MGRN1: variants seen among roughly 807,000 people sequenced by gnomAD.
MGRN1 encodes the protein mahogunin ring finger 1.
MGRN1 carries 29 observed loss-of-function variants against 69.2 expected under a neutral mutation model. The observed-to-expected ratio is 0.42, with a 90% CI of 0.31 to 0.57. MGRN1 has a LOEUF of 0.57. MGRN1 is among the 20% of genes least tolerant of loss of function. MGRN1 has a pLI of 0.15. For missense variants in MGRN1, 998 were observed against 796.2 expected (o/e 1.25, Z -3.05); for synonymous variants, 470 against 344.2 (o/e 1.37, Z -4.04).
chr16:4,682,748 C>T (rs2079217160), intron 13 of MGRN1, 75 bp from the exon 14 acceptor site: 3 of 1,431,438 alleles, frequency 2.1e-6, no homozygotes, highest in South Asian at 3.2e-5. Context: ...CCCAGGTGCC[C>T]TGCATGGCTT....
Position 4,652,749 on chromosome 16 carries a change from C to A in MGRN1, c.368C>A (p.Thr123Asn). ...KPRVLYSLEF[T>N]FDADARVAIT... ...CGGGTGCTCTACAGCCTGGAGTTCACCTTCGACGCCGATGCCCGCGTGGCC... is the reference window on the plus strand; with the variant it reads ...CGGGTGCTCTACAGCCTGGAGTTCAACTTCGACGCCGATGCCCGCGTGGCC... The change falls in exon 4 of 17, where the codon ACC becomes AAC. Residue 123 changes from threonine to asparagine, a missense_variant. Transcript: ENST00000262370. 1 of 1,613,102 alleles carries A rather than the reference C, an allele frequency of 6.2e-7. No homozygotes were observed. The highest frequency in any genetic ancestry group is 1.3e-5 in the African/African-American group (1 of 75,030).
chr16:4,664,266 T>C (rs2078749884), intron 5 of MGRN1: 1 of 239,476 alleles, frequency 4.2e-6, no homozygotes, highest in African/African-American at 2.3e-5. Context: ...ACACAGAAGG[T>C]CACCTGTTGT....
rs374412148 is a variant in MGRN1, at chr16:4,658,484, C to T, written c.561+1121C>T. ...CCAGGAGGTGGAGCTTGCAGTGAGCCGAGATCACGCCACTGCACTCCAGCC... is the reference window on the plus strand; with the variant it reads ...CCAGGAGGTGGAGCTTGCAGTGAGCTGAGATCACGCCACTGCACTCCAGCC... On this transcript the variant is annotated intron_variant, in intron 5 of 16. Coordinates refer to ENST00000262370, the MANE Select transcript of MGRN1 (RefSeq NM_015246.4). Among the ~76,000 whole-genome samples the T allele has an allele frequency of 7.5e-3, 1,132 of 150,826 alleles. 7 individuals carry two copies. Among genetic ancestry groups the T allele is most frequent in the Non-Finnish European group, 0.011 (736 of 67,748 alleles).
chr16:4,634,321 G>A (rs1262515378), intron 1 of MGRN1: 1 of 152,580 alleles, frequency 6.6e-6, no homozygotes, highest in Non-Finnish European at 1.5e-5. Context: ...ATGATGCCCA[G>A]AAGTTTTCTG....
In MGRN1 at chr16:4,657,276, C is replaced by G. The variant is rs760676823; in HGVS notation, c.474C>G (p.Ser158=). Residue 158 remains serine (S), a synonymous_variant, in exon 5 of 17, where the codon TCC becomes TCG. Transcript: ENST00000262370. ...GCCCCAAGAGCCCCTCGCTACAGTC[C>G]GAGACCGTCCACTACAAGAGAGGGG... The part of the protein sequence containing the change: ...VYSPKSPSLQ[S]ETVHYKRGVS... The G allele has an allele frequency of 1.5e-5, 25 of 1,614,156 alleles. No individual in the cohort carries two copies. The South Asian group carries it at 2.4e-4, about 16-fold the overall frequency.
intron 1 of MGRN1, among the ~76,000 whole-genome samples, chr16:4,639,617 C>T (rs1596264736): frequency 2.0e-5 from 3 of 152,120 alleles, no homozygotes; most frequent in Admixed American, 6.5e-5. Flanking sequence ...CCCCTCGGTG[C>T]GGGAGGATGA....
At chr16:4,652,634 T>TG in intron 3 of MGRN1, 44 bp from the exon 4 acceptor site, 1 of 1,572,212 alleles carries the variant, frequency 6.4e-7, no homozygotes, top group Non-Finnish European at 8.7e-7. Flanking sequence ...CCTCCGCAGA[T>TG]GGGGCCGCTG....
At position 4,681,166 on chromosome 16, in the gene MGRN1, G is replaced by A. The variant is rs552888078; in HGVS notation, c.1132-384G>A. On this transcript the variant is annotated intron_variant, in intron 12 of 16. Coordinates refer to ENST00000262370, the MANE Select transcript of MGRN1 (RefSeq NM_015246.4). Reference sequence around the variant, plus strand: ...CCTGGTCCAGGACGCCCCTGACCGTGTCTCTCGCCTCTGGCATGGCTTTGC... The same window carrying A: ...CCTGGTCCAGGACGCCCCTGACCGTATCTCTCGCCTCTGGCATGGCTTTGC... Among the ~76,000 whole-genome samples the A allele has an allele frequency of 2.0e-5, 3 of 152,324 alleles. No homozygotes were observed. The East Asian group carries it at 5.8e-4, about 29-fold the overall frequency.
chr16:4,629,155 TGTGTGTGTGTG>T (rs1897860770), intron 1 of MGRN1, among the ~76,000 whole-genome samples: 24 of 146,650 alleles, frequency 1.6e-4, no homozygotes, highest in African/African-American at 2.2e-4. Flanking sequence ...TTCGTATGTG[TGTGTGTGTGTG>T]TGTGTGTGTG....
intron 11 of MGRN1, among the ~76,000 whole-genome samples, chr16:4,678,005 G>A (rs1335835783): frequency 3.9e-5 from 6 of 152,042 alleles, no homozygotes; most frequent in Non-Finnish European, 5.9e-5. Context: ...GTACCACCAC[G>A]CCGAGCTAAT....
At chr16:4,670,859 C>T (rs1478468271) in intron 8 of MGRN1, among the ~76,000 whole-genome samples, 1 of 152,228 alleles carries the variant, frequency 6.6e-6, no homozygotes, top group Admixed American at 6.5e-5. Flanking sequence ...GGCCCATGGT[C>T]TCTGGGAAAC....
intron 7 of MGRN1, among the ~76,000 whole-genome samples, chr16:4,665,517 C>T (rs1252112640): frequency 6.6e-6 from 1 of 151,504 alleles, no homozygotes; most frequent in Non-Finnish European, 1.5e-5. Context: ...TACAGGTGTG[C>T]ACTACCACGC....
intron 8 of MGRN1, among the ~76,000 whole-genome samples, chr16:4,669,478 A>T (rs575828028): frequency 7.6e-5 from 11 of 145,276 alleles, no homozygotes; most frequent in Admixed American, 1.4e-4. Context: ...ACTTCCCTGT[A>T]GAGCTCTAAG....
intron 8 of MGRN1, chr16:4,669,174 C>T (rs1007550441): frequency 6.6e-6 from 1 of 152,308 alleles, no homozygotes; most frequent in African/African-American, 2.4e-5. Flanking sequence ...TGGCTAACGC[C>T]TGTAATCCCA....
chr16:4,627,390 A>G (rs983759459), intron 1 of MGRN1, among the ~76,000 whole-genome samples: 5 of 152,240 alleles, frequency 3.3e-5, no homozygotes, highest in East Asian at 1.9e-4. Context: ...TGTTTTCACT[A>G]TATCTGTTTT....
At chr16:4,654,388 C>T (rs1050896938) in intron 4 of MGRN1, among the ~76,000 whole-genome samples, 2 of 152,192 alleles carry the variant, frequency 1.3e-5, no homozygotes, top group Non-Finnish European at 1.5e-5. Flanking sequence ...TTTGTACTTT[C>T]AGAGGTTTTA....
chr16:4,677,344 AGCGG>A, intron 10 of MGRN1, 115 bp from the exon 11 acceptor site: 2 of 557,862 alleles, frequency 3.6e-6, no homozygotes, highest in East Asian at 6.8e-5. Flanking sequence ...GTGATCTGGA[AGCGG>A]GGTCACCCCA....
chr16:4,665,164 T>C lies in MGRN1; in HGVS notation c.678+13T>C, dbSNP rs200536681. The stretch of plus-strand genomic sequence containing the variant: ...TGCCTTTGAAAAGGTAAGTGCCATC[T>C]GGCCATCACTTTCCCGGGGACCTGG... On this transcript the variant is annotated intron_variant, in intron 7 of 16. Transcript: ENST00000262370. The C allele has an allele frequency of 1.2e-6, 2 of 1,614,156 alleles. No individual in the cohort carries two copies. The highest frequency in any genetic ancestry group is 3.3e-5 in the Admixed American group (2 of 60,024).
rs939514215 is a variant in MGRN1, at chr16:4,687,940, C to T, written c.1619-856C>T. On this transcript the variant is annotated intron_variant, in intron 16 of 16. Transcript: ENST00000262370. ...ACCCCTAGATTGAAACAGTCAGCAC[C>T]TTTCAGACGGCCCCGGCCTGCGCAT... 9.1e-6 allele frequency: 9 copies of T among 985,560 alleles called. No homozygotes were observed. In the African/African-American group the frequency reaches 1.2e-4, roughly 13 times the overall value. 61.1% of individuals were successfully genotyped at this position (985,560 alleles called of 1,614,324 possible).
Sources: allele counts gnomAD v4.1 joint callset (sites outside exome capture counted in the v4.1 genomes callset), GRCh38; gene constraint gnomAD v4.1.1; transcripts MANE v1.5; gene names NCBI Gene and HGNC (gene_info 2026-07-23, HGNC 2026-07-21).